SLC39A4: variants seen among roughly 807,000 people sequenced by gnomAD.
SLC39A4 encodes the protein solute carrier family 39 member 4.
A neutral mutation model predicts 56.6 loss-of-function variants in SLC39A4; 49 were observed. The ratio of observed to expected loss-of-function variants is 0.87; its 90% CI spans 0.69 to 1.10. The LOEUF (loss-of-function observed/expected upper bound fraction) is 1.10, where lower values mean the gene tolerates loss of function less well. SLC39A4 is among the 50% of genes least tolerant of loss of function. The pLI is 0.00. For synonymous variants in SLC39A4, 540 were observed against 420.4 expected (o/e 1.28, Z -3.48); for missense variants, 993 against 864.2 (o/e 1.15, Z -1.87).
rs1477021620 is a variant in SLC39A4, at chr8:144,416,545, G to A, written c.192+53C>T. ...GCCCTTTGCTGCCGGCTGGCAGGGC[G>A]GAGCTGGCGGGAAGAGGCCAGGGCT... On this transcript the variant is annotated intron_variant, in intron 1 of 11. Coordinates refer to ENST00000301305, the MANE Select transcript of SLC39A4 (RefSeq NM_130849.4). 18 of 1,536,956 alleles carry A rather than the reference G, an allele frequency of 1.2e-5. No individual in the cohort carries two copies. In the African/African-American group the frequency reaches 1.4e-4, roughly 12 times the overall value.
In SLC39A4 at chr8:144,413,269, G is replaced by A; in HGVS notation, c.1595C>T (p.Ala532Val). 2 of 1,594,254 alleles carry A rather than the reference G, an allele frequency of 1.3e-6. No individual in the cohort carries two copies. The highest frequency in any genetic ancestry group is 1.7e-6 in the Non-Finnish European group (2 of 1,174,768). Residue 532 changes from alanine to valine, a missense_variant, in exon 10 of 12, where the codon GCC becomes GTC. By Grantham distance (64) the Ala-to-Val change is moderately conservative. Transcript: ENST00000301305. Reference sequence around the variant, plus strand: ...GTGTGGCAACTCGTGGCAGAACACGGCCAGCGAGGTGGCCAGCCCGGTCTT... The same window carrying A: ...GTGTGGCAACTCGTGGCAGAACACGACCAGCGAGGTGGCCAGCCCGGTCTT... ...SWKTGLATSL[A>V]VFCHELPHEL...
intron 5 of SLC39A4, 110 bp downstream of exon 5, chr8:144,414,615 C>T (rs1564709075): frequency 3.3e-6 from 5 of 1,527,794 alleles, no homozygotes; most frequent in Non-Finnish European, 3.5e-6. Context: ...GTTGTTTCTA[C>T]TTCCAGCCCC....
chr8:144,413,189 G>T, intron 10 of SLC39A4, 48 bp downstream of exon 10: 1 of 1,028,994 alleles, frequency 9.7e-7, no homozygotes. Flanking sequence ...TCCCCTCCCA[G>T]CCCCGTGCGG....
At position 144,415,898 on chromosome 8, in the gene SLC39A4, A is replaced by C; in HGVS notation, c.386T>G (p.Leu129Arg). Residue 129 changes from leucine to arginine, a missense_variant, in exon 2 of 12, where the codon CTG becomes CGG. Transcript: ENST00000301305. ...GGTCAGGGCCTTGGGGCTCTCGAGC[A>C]GGGCCAGGAGGTGGTCTGCATGAGA... ...WASHADHLLA[L>R]LESPKALTPG... The C allele has an allele frequency of 6.3e-7, 1 of 1,595,276 alleles. No homozygotes were observed. The highest frequency in any genetic ancestry group is 8.5e-7 in the Non-Finnish European group (1 of 1,173,816).
At chr8:144,415,536 C>T (rs1822140958) in intron 2 of SLC39A4, 117 bp from the exon 3 acceptor site, 2 of 1,276,306 alleles carry the variant, frequency 1.6e-6, no homozygotes, top group East Asian at 2.5e-5. Flanking sequence ...AGCCCCGCCC[C>T]TCCCTGGAGC....
In SLC39A4 at chr8:144,414,449, G is replaced by A. The variant is rs1554873111; in HGVS notation, c.977-15C>T. The A allele has an allele frequency of 3.9e-6, 6 of 1,550,838 alleles. No homozygotes were observed. Among genetic ancestry groups the A allele is most frequent in the Admixed American group, 3.9e-5 (2 of 51,022 alleles). On this transcript the variant is annotated splice_polypyrimidine_tract_variant and intron_variant, in intron 5 of 11. Transcript: ENST00000301305. The stretch of plus-strand genomic sequence containing the variant: ...GTACAGATACCCTGGGGGCGGGTGA[G>A]GCGGCTGTGAGAGCTTTTCTTCCAG...
Position 144,415,902 on chromosome 8 carries a change from C to T in SLC39A4, c.382G>A (p.Ala128Thr). Residue 128 changes from alanine to threonine, a missense_variant, in exon 2 of 12, where the codon GCC (alanine) becomes ACC (threonine). Transcript: ENST00000301305. ...LWASHADHLL[A>T]LLESPKALTP... is the part of the protein sequence containing the mutation. ...AGGGCCTTGGGGCTCTCGAGCAGGGCCAGGAGGTGGTCTGCATGAGAGGCC... is the reference window on the plus strand; with the variant it reads ...AGGGCCTTGGGGCTCTCGAGCAGGGTCAGGAGGTGGTCTGCATGAGAGGCC... 2 of 1,596,142 alleles carry T rather than the reference C, an allele frequency of 1.3e-6. No homozygotes were observed. The highest frequency in any genetic ancestry group is 4.5e-5 in the East Asian group (2 of 44,364).
Position 144,416,719 on chromosome 8 carries a change from G to A in SLC39A4, c.71C>T (p.Pro24Leu), listed in dbSNP as rs781911703. Residue 24 changes from proline (P) to leucine (L), a missense_variant, in exon 1 of 12, where the codon CCG (proline) becomes CTG (leucine). Pro to Leu is a moderately conservative substitution (Grantham distance 98). Transcript: ENST00000301305. ...AVLVVTATAS[P>L]PAGLLSLLTS... ...GAGCAGGCTCAGCAGACCAGCAGGCGGGGACGCCGTCGCCGTCACCACCAG... is the reference window on the plus strand; with the variant it reads ...GAGCAGGCTCAGCAGACCAGCAGGCAGGGACGCCGTCGCCGTCACCACCAG... 39 of 1,612,484 alleles carry A rather than the reference G, an allele frequency of 2.4e-5. No individual in the cohort carries two copies. The highest frequency in any genetic ancestry group is 5.0e-5 in the Admixed American group (3 of 59,968).
Position 144,416,630 on chromosome 8 carries a change from G to T in SLC39A4, c.160C>A (p.Arg54Ser). 1.2e-6 allele frequency: 2 copies of T among 1,602,942 alleles called. No individual in the cohort carries two copies. The highest frequency in any genetic ancestry group is 2.3e-5 in the East Asian group (1 of 44,392). ...LGGLLNTLAD[R>S]VHCANGPCGK... Reference sequence around the variant, plus strand: ...CACGGCCCGTTGGCGCAGTGCACACGGTCCGCCAGCGTATTTAACAGGCCG... The same window carrying T: ...CACGGCCCGTTGGCGCAGTGCACACTGTCCGCCAGCGTATTTAACAGGCCG... The change falls in exon 1 of 12, where the codon CGT (arginine) becomes AGT (serine). Residue 54 changes from arginine (R) to serine (S), a missense_variant. Transcript: ENST00000301305.
intron 1 of SLC39A4, chr8:144,416,307 C>G: frequency 6.6e-7 from 1 of 1,516,028 alleles, no homozygotes; most frequent in Non-Finnish European, 8.8e-7. Flanking sequence ...AGTGGTCCCC[C>G]ATCCCCAGGG....
Position 144,416,602 on chromosome 8 carries a change from C to G in SLC39A4, c.188G>C (p.Gly63Ala). ...CCCGTCGGGTGGGGCTGTTACCTTT[C>G]CACACGGCCCGTTGGCGCAGTGCAC... ...DRVHCANGPC[G>A]KCLSVEDALG... is the part of the protein sequence containing the mutation. The change falls in exon 1 of 12, where the codon GGA (glycine) becomes GCA (alanine). Residue 63 changes from glycine (G) to alanine (A), a missense_variant. Gly to Ala is a moderately conservative substitution (Grantham distance 60). Transcript: ENST00000301305. 2 of 1,583,022 alleles carry G rather than the reference C, an allele frequency of 1.3e-6. No homozygotes were observed. The highest frequency in any genetic ancestry group is 1.7e-6 in the Non-Finnish European group (2 of 1,166,020).
intron 2 of SLC39A4, 103 bp from the exon 3 acceptor site, chr8:144,415,522 C>A: frequency 7.4e-7 from 1 of 1,356,428 alleles, no homozygotes; most frequent in Non-Finnish European, 1.0e-6. Context: ...GATCTGCCCC[C>A]ACCAGCCCCG....
At chr8:144,415,482 C>G (rs995589315) in intron 2 of SLC39A4, 63 bp from the exon 3 acceptor site, 2 of 1,502,680 alleles carry the variant, frequency 1.3e-6, no homozygotes, top group East Asian at 2.4e-5. Flanking sequence ...ACCCCGCTGC[C>G]CCTGGATGCA....
Position 144,416,050 on chromosome 8 carries a change from C to T in SLC39A4, c.234G>A (p.Glu78=). The part of the protein sequence containing the change: ...VEDALGLGEP[E]GSGLPPGPVL... Reference sequence around the variant, plus strand: ...CCGGGCCCGGGGGCAGCCCTGACCCCTCAGGCTCGCCCAGGCCCAGGGCGT... The same window carrying T: ...CCGGGCCCGGGGGCAGCCCTGACCCTTCAGGCTCGCCCAGGCCCAGGGCGT... Residue 78 remains glutamate, a synonymous_variant, in exon 2 of 12, where the codon GAG becomes GAA. Transcript: ENST00000301305. The T allele has an allele frequency of 6.3e-7, 1 of 1,588,692 alleles. No individual in the cohort carries two copies. Among genetic ancestry groups the T allele is most frequent in the Non-Finnish European group, 8.5e-7 (1 of 1,170,384 alleles).
intron 9 of SLC39A4, 31 bp from the exon 10 acceptor site, chr8:144,413,420 G>A (rs2130794590): frequency 6.2e-7 from 1 of 1,603,508 alleles, no homozygotes; most frequent in Non-Finnish European, 8.5e-7. Flanking sequence ...GGGTTCGCGT[G>A]GCCTGTCGCC....
At position 144,414,397 on chromosome 8, in the gene SLC39A4, G is replaced by T. The variant is rs1284596312; in HGVS notation, c.1014C>A (p.Cys338Ter). 1.3e-6 allele frequency: 2 copies of T among 1,570,996 alleles called. No homozygotes were observed. Among genetic ancestry groups the T allele is most frequent in the South Asian group, 2.3e-5 (2 of 85,680 alleles). Residue 338 changes from cysteine to a stop codon, truncating the protein, a stop_gained, in exon 6 of 12, where the codon TGC becomes TGA. Coordinates refer to ENST00000301305, the MANE Select transcript of SLC39A4 (RefSeq NM_130849.4). LOFTEE classifies it high-confidence loss of function. ...LYGSLATLLI[C>*]LCAVFGLLLL... ...GCAGGAGGCCAAAGACCGCGCAGAGGCAGATGAGCAGCGTGGCCAGGGAGC... is the reference window on the plus strand; with the variant it reads ...GCAGGAGGCCAAAGACCGCGCAGAGTCAGATGAGCAGCGTGGCCAGGGAGC...
intron 6 of SLC39A4, 30 bp from the exon 7 acceptor site, chr8:144,414,125 G>T: frequency 6.4e-7 from 1 of 1,554,748 alleles, no homozygotes; most frequent in Non-Finnish European, 8.7e-7. Context: ...GGCTGGGGGG[G>T]AGGTCCCAGG....
chr8:144,415,059 T>C lies in SLC39A4; in HGVS notation c.719A>G (p.Asp240Gly). Residue 240 changes from aspartate (D) to glycine (G), a missense_variant, in exon 4 of 12, where the codon GAC (aspartate) becomes GGC (glycine). Transcript: ENST00000301305. ...RLGVGREAHS[D>G]HSHRHRGASS... Reference sequence around the variant, plus strand: ...GGCTCCCCTGTGCCGATGACTGTGGTCACTGTGGGCCTCCCTGCCCACCCC... The same window carrying C: ...GGCTCCCCTGTGCCGATGACTGTGGCCACTGTGGGCCTCCCTGCCCACCCC... 8.7e-6 allele frequency: 14 copies of C among 1,611,490 alleles called. No homozygotes were observed. Among genetic ancestry groups the C allele is most frequent in the Middle Eastern group, 1.7e-4 (1 of 6,060 alleles).
rs61741459 is a variant in SLC39A4 at position 144,416,720 on chromosome 8, G to C, written c.70C>G (p.Pro24Ala). 2 of 1,612,560 alleles carry C rather than the reference G, an allele frequency of 1.2e-6. No homozygotes were observed. The highest frequency in any genetic ancestry group is 2.7e-5 in the African/African-American group (2 of 74,930). The change falls in exon 1 of 12, where the codon CCG becomes GCG. Residue 24 changes from proline (P) to alanine (A), a missense_variant. By Grantham distance (27) the Pro-to-Ala change is conservative. Transcript: ENST00000301305. ...AGCAGGCTCAGCAGACCAGCAGGCG[G>C]GGACGCCGTCGCCGTCACCACCAGC... Reference protein sequence around the residue: ...AVLVVTATASPPAGLLSLLTS... With the variant: ...AVLVVTATASAPAGLLSLLTS...
Sources: gnomAD v4.1 joint callset for allele counts on GRCh38, gnomAD v4.1.1 for gene constraint, MANE v1.5 for transcripts, NCBI Gene and HGNC (gene_info 2026-07-23, HGNC 2026-07-21) for gene names.